Variants in VTI1A observed in about 807,000 individuals in gnomAD.
The protein encoded by VTI1A is vesicle transport through interaction with t-SNAREs homolog 1A.
A neutral mutation model predicts 34.9 loss-of-function variants in VTI1A; 22 were observed. The observed-to-expected ratio is 0.63, with a 90% CI of 0.45 to 0.90. The LOEUF is 0.90. VTI1A is among the 40% of genes least tolerant of loss of function. The pLI is 0.00. For missense variants in VTI1A, 268 were observed against 275.6 expected, an observed-to-expected ratio of 0.97 and a Z score of 0.20; for synonymous variants, 87 against 97.3, an observed-to-expected ratio of 0.89 and a Z score of 0.62.
At chr10:112,788,429 A>C (rs930091633) in intron 7 of VTI1A, among the ~76,000 whole-genome samples, 1 of 152,184 alleles carries the variant, frequency 6.6e-6, no homozygotes, top group African/African-American at 2.4e-5. Flanking sequence ...TTTGTCTTAA[A>C]AGCCATGTGT....
At chr10:112,606,971 A>G (rs937345000) in intron 5 of VTI1A, among the ~76,000 whole-genome samples, 1 of 152,146 alleles carries the variant, frequency 6.6e-6, no homozygotes, top group African/African-American at 2.4e-5. Flanking sequence ...GGTAAGTGTT[A>G]TTATTCACAT....
intron 5 of VTI1A, among the ~76,000 whole-genome samples, chr10:112,664,825 A>G (rs1847585758): frequency 6.6e-6 from 1 of 152,196 alleles, no homozygotes; most frequent in South Asian, 2.1e-4. Context: ...AGAGAAGTAG[A>G]GGAAGGAGCT....
At chr10:112,657,017 C>G (rs1229038352) in intron 5 of VTI1A, among the ~76,000 whole-genome samples, 2 of 152,158 alleles carry the variant, frequency 1.3e-5, no homozygotes, top group African/African-American at 4.8e-5. Flanking sequence ...GCCCTGTAAG[C>G]CATGCCCGCC....
rs374566425 is a variant in VTI1A, at chr10:112,466,735, G to C, written c.264+2078G>C. Among the ~76,000 whole-genome samples, 3 of 152,102 alleles carry C rather than the reference G, an allele frequency of 2.0e-5. No individual in the cohort carries two copies. In the East Asian group the frequency reaches 5.8e-4, roughly 29 times the overall value. On this transcript the variant is annotated intron_variant, in intron 3 of 7. Coordinates refer to ENST00000393077, the MANE Select transcript of VTI1A (RefSeq NM_145206.4). Reference sequence around the variant, plus strand: ...CTGAAGATTTTTCTTATGGGTTCTAGAAAAACAAAGGGTATGAATTTGCTA... The same window carrying C: ...CTGAAGATTTTTCTTATGGGTTCTACAAAAACAAAGGGTATGAATTTGCTA...
intron 7 of VTI1A, among the ~76,000 whole-genome samples, chr10:112,713,236 A>G (rs1197973302): frequency 6.6e-6 from 1 of 152,200 alleles, no homozygotes; most frequent in Non-Finnish European, 1.5e-5. Flanking sequence ...GTATTCTCTT[A>G]CAGAACTATT....
chr10:112,849,956 C>T, the VTI1A span, among the ~76,000 whole-genome samples: 3 of 152,150 alleles, frequency 2.0e-5, no homozygotes, highest in African/African-American at 4.8e-5. Flanking sequence ...CCCCGGAAGG[C>T]GTCCCGGCCC....
chr10:112,576,022 T>TTC (rs1201651397), intron 5 of VTI1A, among the ~76,000 whole-genome samples: 69 of 132,992 alleles, frequency 5.2e-4, no homozygotes, highest in African/African-American at 2.3e-3. Context: ...TTCTTTTCTT[T>TTC]TTTTTTTTTT....
chr10:112,473,250 C>T (rs537638549), intron 3 of VTI1A, among the ~76,000 whole-genome samples: 24 of 151,534 alleles, frequency 1.6e-4, no homozygotes, highest in East Asian at 3.9e-4. Flanking sequence ...CTAGGACTAC[C>T]GGAGCGCGCC....
At chr10:112,710,636 A>C (rs1849380240) in intron 7 of VTI1A, among the ~76,000 whole-genome samples, 1 of 152,196 alleles carries the variant, frequency 6.6e-6, no homozygotes, top group Admixed American at 6.5e-5. Flanking sequence ...GCAATGTCCA[A>C]AGAGAGGCCA....
intron 7 of VTI1A, among the ~76,000 whole-genome samples, chr10:112,752,126 C>T (rs930870235): frequency 6.6e-6 from 1 of 152,130 alleles, no homozygotes; most frequent in Admixed American, 6.5e-5. Context: ...TAACCATACA[C>T]AGGTAATGTA....
Position 112,815,693 on chromosome 10 carries a change from A to ACGTGTCAAGGGC in VTI1A, c.*315_*326dup. 1 of 364,536 alleles carries ACGTGTCAAGGGC rather than the reference A, an allele frequency of 2.7e-6. No individual in the cohort carries two copies. Among genetic ancestry groups the ACGTGTCAAGGGC allele is most frequent in the South Asian group, 3.8e-5 (1 of 26,428 alleles). The allele number at this position is 364,536 out of a possible 1,614,324, so 22.6% of individuals were successfully genotyped here. On this transcript the variant is annotated 3_prime_UTR_variant, in exon 8 of 8. Transcript: ENST00000393077. ...CCCAGTGACACTCCTAGCCCTCTGG[A>ACGTGTCAAGGGC]CGTGTCAAGGGCCGTGGTTTGGGAG...
At chr10:112,730,594 C>T (rs983700742) in intron 7 of VTI1A, among the ~76,000 whole-genome samples, 12 of 151,732 alleles carry the variant, frequency 7.9e-5, no homozygotes, top group Non-Finnish European at 1.5e-4. Flanking sequence ...AACCTCTTTC[C>T]CCCTTTCCTT....
chr10:112,807,213 G>C (rs1312424925), intron 7 of VTI1A, among the ~76,000 whole-genome samples: 2 of 152,100 alleles, frequency 1.3e-5, no homozygotes, highest in African/African-American at 4.8e-5. Context: ...CCCAAGATAA[G>C]ATCACCAGCT....
At chr10:112,560,597 C>CTTT (rs1281971200) in intron 5 of VTI1A, among the ~76,000 whole-genome samples, 9 of 123,724 alleles carry the variant, frequency 7.3e-5, no homozygotes, top group Admixed American at 1.7e-4. Flanking sequence ...AATAGAAGTG[C>CTTT]TTTTTTTTTT....
chr10:112,580,058 C>G (rs1386936365), intron 5 of VTI1A, among the ~76,000 whole-genome samples: 1 of 151,850 alleles, frequency 6.6e-6, no homozygotes, highest in East Asian at 1.9e-4. Context: ...TTTTTTCTTA[C>G]GTTCAGGCTA....
chr10:112,538,378 C>G (rs1244918775), intron 5 of VTI1A, 48 bp downstream of exon 5: 1 of 1,523,646 alleles, frequency 6.6e-7, no homozygotes, highest in Middle Eastern at 1.7e-4. Flanking sequence ...GCACAGCAGT[C>G]TTCACAACAC....
intron 7 of VTI1A, among the ~76,000 whole-genome samples, chr10:112,758,559 A>G (rs4145776): frequency 0.19 from 29,106 of 152,214 alleles, 3,186 homozygotes; most frequent in Non-Finnish European, 0.25. Flanking sequence ...CTGCAAGAGG[A>G]AGTGCTGGTT....
chr10:112,585,663 C>CTTT (rs61436886), intron 5 of VTI1A, among the ~76,000 whole-genome samples: 68 of 117,290 alleles, frequency 5.8e-4, no homozygotes, highest in African/African-American at 1.3e-3. Context: ...TTGTGGATTT[C>CTTT]TTTTTTTTTT....
chr10:112,794,146 A>G (rs1852588663), intron 7 of VTI1A, among the ~76,000 whole-genome samples: 1 of 152,250 alleles, frequency 6.6e-6, no homozygotes. Flanking sequence ...GGGCTGGATC[A>G]TATTTTCTGA....
Sources: gnomAD v4.1 joint callset for allele counts (sites outside exome capture counted in the v4.1 genomes callset) on GRCh38, gnomAD v4.1.1 for gene constraint, MANE v1.5 for transcripts, NCBI Gene and HGNC (gene_info 2026-07-23, HGNC 2026-07-21) for gene names.